The following CD163L1 variants were observed in gnomAD, a reference collection of about 807,000 sequenced individuals.
The protein encoded by CD163L1 is scavenger receptor cysteine-rich type 1 protein M160.
A neutral mutation model predicts 165.4 loss-of-function variants in CD163L1; 124 were observed. That is an observed-to-expected ratio of 0.75 (90% CI 0.65 to 0.87). The LOEUF (loss-of-function observed/expected upper bound fraction) is 0.87. CD163L1 is among the 40% of genes least tolerant of loss of function. CD163L1 has a pLI of 0.00. For missense variants in CD163L1, 1,525 were observed against 1,799.9 expected, an observed-to-expected ratio of 0.85 and a Z score of 2.76; for synonymous variants, 585 against 662.2, an observed-to-expected ratio of 0.88 and a Z score of 1.79.
intron 4 of CD163L1, among the ~76,000 whole-genome samples, chr12:7,408,089 A>G (rs1344162995): frequency 6.8e-6 from 1 of 147,842 alleles, no homozygotes; most frequent in Admixed American, 6.6e-5. Flanking sequence ...ATATATATAT[A>G]TATATCATAT....
chr12:7,434,849 G>C (rs1948694485), intron 2 of CD163L1, among the ~76,000 whole-genome samples: 1 of 152,064 alleles, frequency 6.6e-6, no homozygotes, highest in African/African-American at 2.4e-5. Context: ...TTCTGAAAGT[G>C]GATTGTGAGT....
At chr12:7,420,735 T>C in intron 4 of CD163L1, among the ~76,000 whole-genome samples, 1 of 151,946 alleles carries the variant, frequency 6.6e-6, no homozygotes, top group African/African-American at 2.4e-5. Flanking sequence ...GGAAAACTTT[T>C]ACACTGCTGG....
chr12:7,322,420 A>G, the CD163L1 span: 1 of 1,613,752 alleles, frequency 6.2e-7, no homozygotes, highest in Non-Finnish European at 8.5e-7. Context: ...CTCTCCAGAT[A>G]TAAATTCAAG....
chr12:7,421,599 ATG>A (rs1248133757), intron 4 of CD163L1, among the ~76,000 whole-genome samples: 4 of 10,990 alleles, frequency 3.6e-4, no homozygotes, highest in East Asian at 2.5e-3. Flanking sequence ...ATATACATAT[ATG>A]TACACATATA....
chr12:7,324,696 A>G, the CD163L1 span: 1 of 1,338,174 alleles, frequency 7.5e-7, no homozygotes, highest in Non-Finnish European at 1.0e-6. Context: ...CAATCTATTA[A>G]TTCTCGTTAT....
Position 7,400,447 on chromosome 12 carries a change from T to C in CD163L1, c.1409-1863A>G, listed in dbSNP as rs749382662. Among the ~76,000 whole-genome samples the C allele has an allele frequency of 3.9e-5, 6 of 152,350 alleles. No homozygotes were observed. The highest frequency in any genetic ancestry group is 1.4e-4 in the African/African-American group (6 of 41,588). ...ATAAATGAAGTAGTGTATCCTGTTC[T>C]AGTATAGGATAACTGGATAGTATAA... On this transcript the variant is annotated intron_variant, in intron 6 of 19. Coordinates refer to ENST00000313599, the MANE Select transcript of CD163L1 (RefSeq NM_174941.6). The surrounding 1 kb of genome is among the most constrained non-coding windows in gnomAD (Gnocchi z 4.1).
Position 7,398,165 on chromosome 12 carries a change from T to A in CD163L1, c.1729+99A>T. ...AAAGACAAGAGTCATGGCCCCTCAA[T>A]CAATTCCCACATGTAAGCCAGTTTA... On this transcript the variant is annotated intron_variant, in intron 7 of 19. Transcript: ENST00000313599. The surrounding 1 kb of genome is among the most constrained non-coding windows in gnomAD (Gnocchi z 4.5). 4 of 1,042,110 alleles carry A rather than the reference T, an allele frequency of 3.8e-6. No homozygotes were observed. Among genetic ancestry groups the A allele is most frequent in the Non-Finnish European group, 5.6e-6 (4 of 712,194 alleles). The allele number at this position is 1,042,110 out of a possible 1,614,324, so 64.6% of individuals were successfully genotyped here.
At chr12:7,381,861 C>T (rs1591903685) in intron 8 of CD163L1, among the ~76,000 whole-genome samples, 1 of 151,724 alleles carries the variant, frequency 6.6e-6, no homozygotes, top group Non-Finnish European at 1.5e-5. Flanking sequence ...CAACATATTC[C>T]ACTCTGAGAG....
the CD163L1 span, among the ~76,000 whole-genome samples, chr12:7,330,164 G>A: frequency 6.6e-6 from 1 of 152,156 alleles, no homozygotes. Flanking sequence ...GCTATGGAAG[G>A]AAGGTCCTGC....
chr12:7,408,505 G>C lies in CD163L1; in HGVS notation c.767-1653C>G, dbSNP rs771692499. On this transcript the variant is annotated intron_variant, in intron 4 of 19. Transcript: ENST00000313599. ...TACATATCAGTTGTATGTATTTTGG[G>C]GATACATGTGATATTCTGATACCTA... is the stretch of plus-strand genomic sequence containing the variant. 2.0e-5 allele frequency among the ~76,000 whole-genome samples: 3 copies of C among 151,832 alleles called. No individual in the cohort carries two copies. In the East Asian group the frequency reaches 5.8e-4, roughly 29 times the overall value.
intron 7 of CD163L1, 115 bp from the exon 8 acceptor site, chr12:7,396,530 T>A: frequency 1.0e-6 from 1 of 983,884 alleles, no homozygotes; most frequent in Non-Finnish European, 1.5e-6. Flanking sequence ...TAGATGGTGC[T>A]GTGAAGGTAT....
chr12:7,319,814 T>C, the CD163L1 span, among the ~76,000 whole-genome samples: 2 of 152,190 alleles, frequency 1.3e-5, no homozygotes, highest in Admixed American at 1.3e-4. Context: ...AGTTGGTAAG[T>C]TAACTTTGCA....
intron 7 of CD163L1, among the ~76,000 whole-genome samples, chr12:7,396,773 T>C (rs1947785776): frequency 6.6e-6 from 1 of 152,162 alleles, no homozygotes; most frequent in Non-Finnish European, 1.5e-5. Context: ...CAAGCCCCGA[T>C]AATTGCTTAT....
the CD163L1 span, among the ~76,000 whole-genome samples, chr12:7,329,114 A>T: frequency 6.7e-6 from 1 of 148,360 alleles, no homozygotes; most frequent in Non-Finnish European, 1.5e-5. Context: ...ATATGTATCT[A>T]TATATACACA....
chr12:7,424,599 G>A (rs776733319), intron 4 of CD163L1, among the ~76,000 whole-genome samples: 1 of 152,170 alleles, frequency 6.6e-6, no homozygotes, highest in Non-Finnish European at 1.5e-5. Context: ...CATCGTATCA[G>A]TCCAAAAACT....
intron 8 of CD163L1, among the ~76,000 whole-genome samples, chr12:7,391,107 C>T (rs999665451): frequency 2.0e-4 from 30 of 152,192 alleles, no homozygotes; most frequent in Non-Finnish European, 2.2e-4. Flanking sequence ...CAAACTCCAA[C>T]AGGCCTGCAG....
At chr12:7,438,233 G>T (rs1300333207) in intron 2 of CD163L1, among the ~76,000 whole-genome samples, 3 of 151,938 alleles carry the variant, frequency 2.0e-5, no homozygotes, top group Non-Finnish European at 2.9e-5. Context: ...AATAATGGAT[G>T]AAAAAAATGA....
chr12:7,367,787 G>A (rs771936674), intron 17 of CD163L1, among the ~76,000 whole-genome samples: 16 of 152,304 alleles, frequency 1.1e-4, no homozygotes, highest in African/African-American at 1.4e-4. Context: ...TATTTCTGCA[G>A]TCTAGATTCT....
intron 9 of CD163L1, among the ~76,000 whole-genome samples, 195 bp downstream of exon 9, chr12:7,378,783 G>A (rs993247060): frequency 2.6e-5 from 4 of 151,848 alleles, no homozygotes; most frequent in East Asian, 1.9e-4. Context: ...TCTACTTCAC[G>A]CAATTTTAAA....
Sources: gnomAD v4.1 joint callset for allele counts (sites outside exome capture counted in the v4.1 genomes callset) on GRCh38, gnomAD v4.1.1 for gene constraint, Gnocchi (gnomAD v3.1) non-coding constraint, MANE v1.5 for transcripts, NCBI Gene and HGNC (gene_info 2026-07-23, HGNC 2026-07-21) for gene names.